The following CCDC191 variants were observed in gnomAD, a reference collection of about 807,000 sequenced individuals.
CCDC191 encodes the protein coiled-coil domain containing 191.
In CCDC191, 99 loss-of-function variants were observed where a neutral mutation model predicts 114.0. The ratio of observed to expected loss-of-function variants is 0.87; its 90% CI spans 0.74 to 1.03. The LOEUF (loss-of-function observed/expected upper bound fraction) is 1.03, where lower values mean the gene tolerates loss of function less well. Among genes scored for constraint, CCDC191 ranks in the 50% least tolerant of loss-of-function variants. The pLI is 0.00. For synonymous variants in CCDC191, 351 were observed against 376.0 expected (o/e 0.93, Z 0.77); for missense variants, 973 against 1,087.0 (o/e 0.90, Z 1.47).
intron 7 of CCDC191, among the ~76,000 whole-genome samples, chr3:114,024,467 T>C (rs1197969984): frequency 6.6e-6 from 1 of 152,164 alleles, no homozygotes; most frequent in Non-Finnish European, 1.5e-5. Context: ...CCAACAATGA[T>C]AGACTGGATT....
At chr3:114,016,174 G>A (rs2076155166) in intron 8 of CCDC191, among the ~76,000 whole-genome samples, 1 of 152,210 alleles carries the variant, frequency 6.6e-6, no homozygotes, top group Non-Finnish European at 1.5e-5. Context: ...ATGTCCAGGT[G>A]AGTGAACCAC....
intron 13 of CCDC191, among the ~76,000 whole-genome samples, chr3:113,994,645 A>G (rs2075670067): frequency 6.6e-6 from 1 of 151,454 alleles, no homozygotes. Flanking sequence ...GTGCAGTAGC[A>G]AAATAATAGC....
intron 7 of CCDC191, among the ~76,000 whole-genome samples, chr3:114,019,704 A>G (rs1199092168): frequency 6.6e-6 from 1 of 152,126 alleles, no homozygotes; most frequent in African/African-American, 2.4e-5. Flanking sequence ...GGTTTTTGCC[A>G]TTGCTTTTCA....
chr3:114,041,044 C>G (rs1348605542), intron 4 of CCDC191, among the ~76,000 whole-genome samples: 1 of 150,518 alleles, frequency 6.6e-6, no homozygotes, highest in Non-Finnish European at 1.5e-5. Context: ...AAAACTCTAC[C>G]AGCATACGAT....
intron 2 of CCDC191, among the ~76,000 whole-genome samples, chr3:114,051,749 G>A (rs2076700675): frequency 6.6e-6 from 1 of 152,140 alleles, no homozygotes; most frequent in Admixed American, 6.5e-5. Context: ...TGAAAGGGTG[G>A]TCCACTCAAG....
intron 8 of CCDC191, among the ~76,000 whole-genome samples, chr3:114,014,657 A>G (rs1442250605): frequency 6.6e-6 from 1 of 152,076 alleles, no homozygotes; most frequent in African/African-American, 2.4e-5. Flanking sequence ...ACTTAGCCAC[A>G]TTCTGCCTCT....
At chr3:113,998,998 A>C (rs1346229663) in intron 13 of CCDC191, among the ~76,000 whole-genome samples, 1 of 152,190 alleles carries the variant, frequency 6.6e-6, no homozygotes, top group African/African-American at 2.4e-5. Context: ...GAACAATGGA[A>C]TAGCCCTTTG....
At chr3:113,985,592 A>G (rs981696645) in intron 13 of CCDC191, among the ~76,000 whole-genome samples, 4 of 152,198 alleles carry the variant, frequency 2.6e-5, no homozygotes, top group African/African-American at 9.7e-5. Flanking sequence ...AATGCTCCCC[A>G]TCGTCCACAC....
At chr3:114,048,625 C>T (rs2076661238) in intron 2 of CCDC191, among the ~76,000 whole-genome samples, 1 of 152,176 alleles carries the variant, frequency 6.6e-6, no homozygotes, top group African/African-American at 2.4e-5. Flanking sequence ...CCTCCTGAAG[C>T]CTTTGCTCAA....
At chr3:114,039,581 C>T (rs2076533326) in intron 4 of CCDC191, 1 of 152,084 alleles carries the variant, frequency 6.6e-6, no homozygotes, top group South Asian at 2.1e-4. Context: ...AATATTATCA[C>T]AGGAGATGAC....
chr3:113,967,061 G>A (rs1263458363), intron 16 of CCDC191, among the ~76,000 whole-genome samples: 1 of 152,002 alleles, frequency 6.6e-6, no homozygotes, highest in Non-Finnish European at 1.5e-5. Flanking sequence ...ATCAAGCCAT[G>A]GCATTCCAGC....
At chr3:114,015,287 A>T (rs1203080562) in intron 8 of CCDC191, among the ~76,000 whole-genome samples, 1 of 152,218 alleles carries the variant, frequency 6.6e-6, no homozygotes, top group Non-Finnish European at 1.5e-5. Flanking sequence ...GTGCAAGAGA[A>T]GGCAGGATTA....
At chr3:114,046,768 A>G (rs1436100176) in intron 2 of CCDC191, 36 bp from the exon 3 acceptor site, 1 of 1,552,452 alleles carries the variant, frequency 6.4e-7, no homozygotes, top group Admixed American at 2.0e-5. Flanking sequence ...CATAAAGATG[A>G]CAACAAATTT....
chr3:114,036,062 G>A (rs1471021878), intron 5 of CCDC191, among the ~76,000 whole-genome samples: 1 of 152,190 alleles, frequency 6.6e-6, no homozygotes, highest in Non-Finnish European at 1.5e-5. Flanking sequence ...CCTTTACAAA[G>A]TGTTGAGACA....
intron 11 of CCDC191, chr3:114,002,830 T>C (rs993154292): frequency 1.0e-6 from 1 of 956,494 alleles, no homozygotes; most frequent in African/African-American, 1.8e-5. Flanking sequence ...GCCTTGATGA[T>C]ACTTTTAGTA....
intron 16 of CCDC191, among the ~76,000 whole-genome samples, chr3:113,972,540 T>G (rs529430015): frequency 6.6e-6 from 1 of 152,288 alleles, no homozygotes; most frequent in Non-Finnish European, 1.5e-5. Context: ...AAAAAGAATG[T>G]GTATTCTTCA....
At chr3:114,029,650 G>A (rs998524938) in intron 7 of CCDC191, among the ~76,000 whole-genome samples, 3 of 152,118 alleles carry the variant, frequency 2.0e-5, no homozygotes, top group African/African-American at 7.2e-5. Flanking sequence ...CTCTACAATG[G>A]AGAAACTCAG....
intron 2 of CCDC191, among the ~76,000 whole-genome samples, chr3:114,050,422 A>C (rs1055986733): frequency 4.6e-5 from 7 of 152,228 alleles, no homozygotes; most frequent in African/African-American, 1.7e-4. Context: ...TACAAAAGCA[A>C]ATGCTTGAGG....
At chr3:114,048,437 G>C (rs1009516478) in intron 2 of CCDC191, among the ~76,000 whole-genome samples, 1 of 152,172 alleles carries the variant, frequency 6.6e-6, no homozygotes. Flanking sequence ...GCAGCCCTTT[G>C]TGAGCTTTCC....
Sources: gnomAD v4.1 joint callset for allele counts (sites outside exome capture counted in the v4.1 genomes callset) on GRCh38, gnomAD v4.1.1 for gene constraint, MANE v1.5 for transcripts, NCBI Gene and HGNC (gene_info 2026-07-23, HGNC 2026-07-21) for gene names.